The following SMG6 variants were observed in gnomAD, a reference collection of about 807,000 sequenced individuals.
The protein encoded by SMG6 is telomerase-binding protein EST1A.
A neutral mutation model predicts 142.2 loss-of-function variants in SMG6; 66 were observed. The observed-to-expected ratio is 0.46, with a 90% confidence interval of 0.38 to 0.57. The LOEUF (loss-of-function observed/expected upper bound fraction) is 0.57. SMG6 is among the 20% of genes least tolerant of loss of function. The pLI, the probability that SMG6 is intolerant of heterozygous loss-of-function variation, is 0.00. For missense variants in SMG6, 1,793 were observed against 1,832.0 expected (o/e 0.98, Z 0.39); for synonymous variants, 779 against 702.4 (o/e 1.11, Z -1.72).
In SMG6 at chr17:2,188,970, C is replaced by T. The variant is rs527577423; in HGVS notation, c.2870-455G>A. The stretch of plus-strand genomic sequence containing the variant: ...GTCTACTGCCATACCACCCTGAACG[C>T]GCCCGATCTCGTCTAAAAATGATCT... On this transcript the variant is annotated intron_variant, in intron 10 of 18. Coordinates refer to ENST00000263073, the MANE Select transcript of SMG6 (RefSeq NM_017575.5). 6.7e-4 allele frequency among the ~76,000 whole-genome samples: 102 copies of T among 152,314 alleles called. 1 individual carries two copies. The highest frequency in any genetic ancestry group is 2.3e-3 in the African/African-American group (94 of 41,554).
intron 12 of SMG6, among the ~76,000 whole-genome samples, chr17:2,184,730 T>G (rs1209977605): frequency 6.8e-6 from 1 of 147,676 alleles, no homozygotes; most frequent in Non-Finnish European, 1.5e-5. Context: ...TTTGGGAGGC[T>G]GAGGCGGGTG....
At chr17:2,235,230 G>T (rs954920304) in intron 10 of SMG6, among the ~76,000 whole-genome samples, 1 of 152,204 alleles carries the variant, frequency 6.6e-6, no homozygotes, top group East Asian at 1.9e-4. Context: ...AATTAGCCAA[G>T]TTCAAAAAGG....
intron 9 of SMG6, among the ~76,000 whole-genome samples, chr17:2,242,689 T>TTAA (rs1356928889): frequency 3.6e-5 from 2 of 55,850 alleles, no homozygotes; most frequent in African/African-American, 1.5e-4. Flanking sequence ...TCCATCTCTT[T>TTAA]AAAAAAAAAA....
In SMG6 at chr17:2,286,090, A is replaced by C. The variant is rs189947486; in HGVS notation, c.2338-2355T>G. 8.5e-5 allele frequency among the ~76,000 whole-genome samples: 13 copies of C among 152,334 alleles called. No homozygotes were observed. The East Asian group carries it at 2.3e-3, about 27-fold the overall frequency. On this transcript the variant is annotated intron_variant, in intron 6 of 18. Coordinates refer to ENST00000263073, the MANE Select transcript of SMG6 (RefSeq NM_017575.5). ...GAATACATTTAACCAAGGAAGTGCA[A>C]AACTTATTATACACAGGGTTAAAAG...
chr17:2,122,706 C>T (rs776917956), intron 13 of SMG6, among the ~76,000 whole-genome samples: 2 of 152,202 alleles, frequency 1.3e-5, no homozygotes, highest in East Asian at 1.9e-4. Context: ...TGTGTCTGGA[C>T]GTCGGCCCCA....
intron 13 of SMG6, among the ~76,000 whole-genome samples, chr17:2,145,916 C>A (rs958151392): frequency 6.6e-6 from 1 of 151,962 alleles, no homozygotes; most frequent in Non-Finnish European, 1.5e-5. Flanking sequence ...ATGAATGATG[C>A]TCTATCTAAA....
intron 8 of SMG6, chr17:2,256,204 GAA>G (rs2074174574): frequency 6.8e-6 from 1 of 148,050 alleles, no homozygotes; most frequent in African/African-American, 2.5e-5. Context: ...AAATAAATAA[GAA>G]GAAAAAAAAA....
At chr17:2,302,194 A>C (rs768525420) in intron 1 of SMG6, among the ~76,000 whole-genome samples, 20 of 152,146 alleles carry the variant, frequency 1.3e-4, no homozygotes, top group Non-Finnish European at 2.8e-4. Context: ...GGGAGGCTAC[A>C]GTGAGCTGAG....
In SMG6 at chr17:2,061,477, C is replaced by CGGG. The variant is rs1163837031; in HGVS notation, c.*14_*15insCCC. 1.2e-5 allele frequency: 18 copies of CGGG among 1,551,342 alleles called. No individual in the cohort carries two copies. In the Admixed American group the frequency reaches 3.3e-4, roughly 29 times the overall value. ...AGGAACGGTTCCACGGGGGGGGGGC[C>CGGG]CCAGTGTGGCTCCCTCAGCCCACCT... On this transcript the variant is annotated 3_prime_UTR_variant, in exon 19 of 19. Transcript: ENST00000263073.
At chr17:2,248,636 TAC>T (rs1201325507) in intron 8 of SMG6, among the ~76,000 whole-genome samples, 1 of 152,234 alleles carries the variant, frequency 6.6e-6, no homozygotes, top group Non-Finnish European at 1.5e-5. Context: ...TTTCAAACTA[TAC>T]ACACACTCTC....
intron 12 of SMG6, among the ~76,000 whole-genome samples, chr17:2,182,807 G>A (rs572388509): frequency 1.3e-5 from 2 of 152,126 alleles, no homozygotes; most frequent in East Asian, 3.9e-4. Context: ...AGAGCATGAA[G>A]GAGCTTTGGG....
chr17:2,303,446 C>G, intron 1 of SMG6, 187 bp downstream of exon 1: 1 of 1,303,358 alleles, frequency 7.7e-7, no homozygotes, highest in Non-Finnish European at 9.7e-7. Context: ...CAGGACTGGC[C>G]GAGCCCGACC....
At chr17:2,097,996 T>G (rs117424951) in intron 13 of SMG6, among the ~76,000 whole-genome samples, 30 of 152,250 alleles carry the variant, frequency 2.0e-4, no homozygotes, top group African/African-American at 7.2e-4. Flanking sequence ...TTTCCTTTTC[T>G]TGGGGGGCGG....
At position 2,152,997 on chromosome 17, in the gene SMG6, A is replaced by C. The variant is rs1445233201; in HGVS notation, c.3357+19661T>G. ...TACAATGGAATACTACTCTGCAACA[A>C]AAAAGAACATATGATTGATATAGGC... On this transcript the variant is annotated intron_variant, in intron 13 of 18. Transcript: ENST00000263073. Among the ~76,000 whole-genome samples the C allele has an allele frequency of 5.3e-5, 8 of 152,376 alleles. No individual in the cohort carries two copies. The East Asian group carries it at 1.5e-3, about 29-fold the overall frequency.
chr17:2,218,217 G>A (rs2073073456), intron 10 of SMG6, among the ~76,000 whole-genome samples: 1 of 151,960 alleles, frequency 6.6e-6, no homozygotes, highest in Admixed American at 6.6e-5. Context: ...ATAACATTCT[G>A]TTATGGTGCA....
chr17:2,259,905 A>C (rs930002707), intron 8 of SMG6, among the ~76,000 whole-genome samples: 1 of 152,196 alleles, frequency 6.6e-6, no homozygotes, highest in African/African-American at 2.4e-5. Context: ...ACGGTTTCAC[A>C]AACCACTCTG....
intron 15 of SMG6, among the ~76,000 whole-genome samples, chr17:2,078,762 G>T (rs1315453115): frequency 6.6e-6 from 1 of 152,176 alleles, no homozygotes; most frequent in East Asian, 1.9e-4. Flanking sequence ...GAATGGTGGT[G>T]AGGAAGCCCA....
chr17:2,110,930 T>C (rs913800033), intron 13 of SMG6, among the ~76,000 whole-genome samples: 3 of 152,148 alleles, frequency 2.0e-5, no homozygotes, highest in African/African-American at 7.2e-5. Flanking sequence ...GTGTAGGCTA[T>C]AGGTGTTACG....
At chr17:2,283,999 T>C in intron 6 of SMG6, among the ~76,000 whole-genome samples, 1 of 152,322 alleles carries the variant, frequency 6.6e-6, no homozygotes, top group South Asian at 2.1e-4. Flanking sequence ...AAACAGGCTC[T>C]TAAAATATAA....
Sources: gnomAD v4.1 joint callset for allele counts (sites outside exome capture counted in the v4.1 genomes callset) on GRCh38, gnomAD v4.1.1 for gene constraint, MANE v1.5 for transcripts, NCBI Gene and HGNC (gene_info 2026-07-23, HGNC 2026-07-21) for gene names.